The following SIDT1 variants were observed in gnomAD, a reference collection of about 807,000 sequenced individuals.
The protein encoded by SIDT1 is SID1 transmembrane family, member 1.
Under a neutral mutation model 107.5 loss-of-function variants are expected in SIDT1, and 101 were observed. That is an observed-to-expected ratio of 0.94 (90% CI 0.80 to 1.11). The LOEUF (loss-of-function observed/expected upper bound fraction) is 1.11, where lower values mean the gene tolerates loss of function less well. Ranked by LOEUF, SIDT1 falls within the 50% of genes least tolerant of loss-of-function variation. SIDT1 has a pLI of 0.00. For synonymous variants in SIDT1, 395 were observed against 398.2 expected, an observed-to-expected ratio of 0.99 and a Z score of 0.10; for missense variants, 1,076 against 1,058.2, an observed-to-expected ratio of 1.02 and a Z score of -0.23.
chr3:113,548,667 A>G (rs926527064), intron 1 of SIDT1, among the ~76,000 whole-genome samples: 1 of 152,134 alleles, frequency 6.6e-6, no homozygotes, highest in African/African-American at 2.4e-5. Context: ...TAAGATTCTC[A>G]TCATCAAGGG....
intron 24 of SIDT1, 103 bp from the exon 25 acceptor site, chr3:113,627,542 AG>A (rs1301126877): frequency 9.8e-7 from 1 of 1,020,066 alleles, no homozygotes; most frequent in Non-Finnish European, 1.5e-6. Context: ...TGAGAATGAG[AG>A]GGAACTAACA....
At chr3:113,574,639 C>T (rs1206961446) in intron 3 of SIDT1, among the ~76,000 whole-genome samples, 1 of 151,878 alleles carries the variant, frequency 6.6e-6, no homozygotes, top group Non-Finnish European at 1.5e-5. Flanking sequence ...TCTCTCTACC[C>T]CCGACCCATG....
intron 1 of SIDT1, among the ~76,000 whole-genome samples, chr3:113,548,638 C>T (rs1201825000): frequency 2.0e-5 from 3 of 152,044 alleles, no homozygotes; most frequent in African/African-American, 7.2e-5. Flanking sequence ...GAAAGATACT[C>T]TCTATATTAA....
In SIDT1 at chr3:113,567,675, A is replaced by G; in HGVS notation, c.480A>G (p.Lys160=). 6.2e-7 allele frequency: 1 copy of G among 1,613,968 alleles called. No homozygotes were observed. The highest frequency in any genetic ancestry group is 8.5e-7 in the Non-Finnish European group (1 of 1,179,966). ...ASMAPLGAQY[K]LLVTKLKHFQ... ...TGGCACCCCTGGGTGCTCAGTACAA[A>G]CTGCTAGTTACCAAGCTGAAGCACT... The change falls in exon 3 of 25, where the codon AAA becomes AAG. Residue 160 remains lysine, a synonymous_variant. Transcript: ENST00000264852.
downstream of SIDT1, among the ~76,000 whole-genome samples, chr3:113,633,855 C>T (rs865883663): frequency 6.6e-6 from 1 of 152,264 alleles, no homozygotes; most frequent in Middle Eastern, 3.4e-3. Flanking sequence ...AAAAAGAAAG[C>T]AAGCCTTGGG....
chr3:113,625,139 T>C (rs912285280), intron 23 of SIDT1, among the ~76,000 whole-genome samples: 2 of 147,216 alleles, frequency 1.4e-5, no homozygotes, highest in Non-Finnish European at 2.9e-5. Flanking sequence ...TTCTTTCTTT[T>C]TTTTGGGGGG....
At chr3:113,559,244 A>G (rs1180259140) in intron 1 of SIDT1, among the ~76,000 whole-genome samples, 1 of 152,194 alleles carries the variant, frequency 6.6e-6, no homozygotes, top group East Asian at 1.9e-4. Flanking sequence ...CTCATCTTCA[A>G]CTGTAGTAGA....
chr3:113,543,963 T>C (rs575111631), intron 1 of SIDT1, among the ~76,000 whole-genome samples: 1 of 152,352 alleles, frequency 6.6e-6, no homozygotes, highest in East Asian at 1.9e-4. Flanking sequence ...TTTTCTTATA[T>C]AGCCATTGAA....
intron 3 of SIDT1, among the ~76,000 whole-genome samples, chr3:113,574,746 A>G (rs1366060257): frequency 6.6e-6 from 1 of 152,062 alleles, no homozygotes; most frequent in Non-Finnish European, 1.5e-5. Flanking sequence ...TGAAATAGCC[A>G]GCACAAGGAA....
intron 9 of SIDT1, among the ~76,000 whole-genome samples, chr3:113,591,081 A>G (rs13096036): frequency 0.062 from 9,484 of 152,330 alleles, 369 homozygotes; most frequent in Middle Eastern, 0.1. Flanking sequence ...AAATGCGACA[A>G]AGAAAGCAGA....
the SIDT1 span, among the ~76,000 whole-genome samples, chr3:113,635,447 C>T: frequency 6.6e-6 from 1 of 152,356 alleles, no homozygotes; most frequent in Middle Eastern, 3.4e-3. Context: ...ATGGATCAGG[C>T]AGAATCTCCA....
chr3:113,618,027 T>C (rs1457415090), intron 20 of SIDT1, among the ~76,000 whole-genome samples: 1 of 152,228 alleles, frequency 6.6e-6, no homozygotes, highest in Non-Finnish European at 1.5e-5. Context: ...CCTACCATTA[T>C]AGTATCATAC....
chr3:113,561,241 C>T (rs1484288960), intron 1 of SIDT1, among the ~76,000 whole-genome samples: 1 of 152,152 alleles, frequency 6.6e-6, no homozygotes, highest in Non-Finnish European at 1.5e-5. Flanking sequence ...TTGATCAGGG[C>T]TCTTTATCCT....
Position 113,583,476 on chromosome 3 carries a change from G to A in SIDT1, c.815G>A (p.Gly272Glu). The A allele has an allele frequency of 6.3e-7, 1 of 1,595,870 alleles. No individual in the cohort carries two copies. The highest frequency in any genetic ancestry group is 1.1e-5 in the South Asian group (1 of 88,540). ...FVIKPEDYAC[G>E]GSFFIQEKEN... ...ATAAAGCCTGAAGATTATGCCTGTG[G>A]AGGATCTTTCTTCATCCAGGGTAAG... Residue 272 changes from glycine (G) to glutamate (E), a missense_variant, in exon 7 of 25, where the codon GGA becomes GAA. Physicochemically the swap from Gly to Glu is moderately conservative, Grantham distance 98. Coordinates refer to ENST00000264852, the MANE Select transcript of SIDT1 (RefSeq NM_017699.3).
At chr3:113,624,767 C>T (rs1418077786) in intron 23 of SIDT1, among the ~76,000 whole-genome samples, 1 of 152,116 alleles carries the variant, frequency 6.6e-6, no homozygotes, top group Non-Finnish European at 1.5e-5. Flanking sequence ...CTAGCTGCCT[C>T]ATATGAGTGA....
intron 14 of SIDT1, among the ~76,000 whole-genome samples, chr3:113,605,355 A>G (rs1039307326): frequency 1.3e-5 from 2 of 151,546 alleles, no homozygotes; most frequent in Non-Finnish European, 2.9e-5. Context: ...CAAACTCCTA[A>G]CCTCAGGTGA....
At chr3:113,615,003 C>T in intron 19 of SIDT1, 1 of 1,522,466 alleles carries the variant, frequency 6.6e-7, no homozygotes, top group Middle Eastern at 1.7e-4. Flanking sequence ...ACATGTTTGG[C>T]TACTTTCTTA....
At chr3:113,604,417 C>A (rs535034919) in intron 13 of SIDT1, among the ~76,000 whole-genome samples, 20 of 152,164 alleles carry the variant, frequency 1.3e-4, no homozygotes, top group Non-Finnish European at 2.2e-4. Flanking sequence ...GAAACCACAC[C>A]CTTTCACGTG....
intron 1 of SIDT1, among the ~76,000 whole-genome samples, chr3:113,553,076 T>C (rs994131629): frequency 2.0e-5 from 3 of 152,110 alleles, no homozygotes; most frequent in Non-Finnish European, 2.9e-5. Context: ...CTTCAACCAT[T>C]AAAAGAGGAA....
Sources: gnomAD v4.1 joint callset for allele counts (sites outside exome capture counted in the v4.1 genomes callset) on GRCh38, gnomAD v4.1.1 for gene constraint, MANE v1.5 for transcripts, NCBI Gene and HGNC (gene_info 2026-07-23, HGNC 2026-07-21) for gene names.